The following PAX3 variants were observed in gnomAD, a reference collection of about 807,000 sequenced individuals.
PAX3 encodes paired box 3.
PAX3 carries 14 observed loss-of-function variants against 51.6 expected under a neutral mutation model. That is an observed-to-expected ratio of 0.27 (90% CI 0.18 to 0.42). PAX3 has a LOEUF of 0.42. Among genes scored for constraint, PAX3 ranks in the 10% least tolerant of loss-of-function variants. The probability of loss-of-function intolerance (pLI) is 1.00; values close to 1 mark genes in which losing one functional copy is unlikely to be tolerated. For synonymous variants in PAX3, 280 were observed against 253.4 expected, an observed-to-expected ratio of 1.11 and a Z score of -1.00; for missense variants, 540 against 642.8, an observed-to-expected ratio of 0.84 and a Z score of 1.73.
intron 4 of PAX3, among the ~76,000 whole-genome samples, chr2:222,271,635 G>A (rs562286692): frequency 6.6e-6 from 1 of 152,198 alleles, no homozygotes; most frequent in Non-Finnish European, 1.5e-5. Flanking sequence ...GCCAAGGGAA[G>A]TAAAGCATTT....
intron 4 of PAX3, among the ~76,000 whole-genome samples, chr2:222,253,231 A>C (rs1231930918): frequency 1.3e-5 from 2 of 152,250 alleles, no homozygotes; most frequent in African/African-American, 4.8e-5. Context: ...TCTGTGAAGG[A>C]GTACTAACAC....
At chr2:222,276,222 C>G (rs995977162) in intron 4 of PAX3, among the ~76,000 whole-genome samples, 1 of 152,188 alleles carries the variant, frequency 6.6e-6, no homozygotes, top group Non-Finnish European at 1.5e-5. Context: ...TACCCAGAGG[C>G]CTTTCCAGCC....
At chr2:222,240,182 G>T (rs1259176202) in intron 4 of PAX3, among the ~76,000 whole-genome samples, 1 of 152,196 alleles carries the variant, frequency 6.6e-6, no homozygotes, top group African/African-American at 2.4e-5. Context: ...GGCCACGGGG[G>T]CAGTACAGGA....
At chr2:222,262,107 T>A (rs1297350536) in intron 4 of PAX3, among the ~76,000 whole-genome samples, 1 of 152,252 alleles carries the variant, frequency 6.6e-6, no homozygotes, top group Non-Finnish European at 1.5e-5. Context: ...CGTAGACTCA[T>A]ATGTTTGGCT....
chr2:222,248,250 C>T lies in PAX3; in HGVS notation c.587-15967G>A, dbSNP rs866862032. ...AATCTGCTAAGAATTCACTTTATGG[C>T]ATTTAAAGTTTTCATTAGAGTGGAA... On this transcript the variant is annotated intron_variant, in intron 4 of 8. Transcript: ENST00000392070. Among the ~76,000 whole-genome samples, 34 of 152,306 alleles carry T rather than the reference C, an allele frequency of 2.2e-4. 1 individual carries two copies. In the Middle Eastern group the frequency reaches 0.017, roughly 76 times the overall value.
Position 222,295,632 on chromosome 2 carries a change from T to C in PAX3, c.347A>G (p.Lys116Arg), listed in dbSNP as rs1188288131. The C allele has an allele frequency of 6.8e-6, 11 of 1,614,100 alleles. No individual in the cohort carries two copies. Among genetic ancestry groups the C allele is most frequent in the Non-Finnish European group, 8.5e-6 (10 of 1,180,046 alleles). Residue 116 changes from lysine (K) to arginine (R), a missense_variant, in exon 3 of 9, where the codon AAG becomes AGG. Coordinates refer to ENST00000392070, the MANE Select transcript of PAX3 (RefSeq NM_181458.4). ...PKQVTTPDVE[K>R]KIEEYKRENP... ...CTCTCTTTTGTATTCCTCAATTTTCTTCTCCACGTCAGGCGTTGTCACCTG... is the reference window on the plus strand; with the variant it reads ...CTCTCTTTTGTATTCCTCAATTTTCCTCTCCACGTCAGGCGTTGTCACCTG...
At chr2:222,255,804 C>T in intron 4 of PAX3, among the ~76,000 whole-genome samples, 1 of 136,104 alleles carries the variant, frequency 7.3e-6, no homozygotes, top group Non-Finnish European at 1.5e-5. Flanking sequence ...TTTTTTGAGA[C>T]AGAGTCTCAC....
At position 222,201,201 on chromosome 2, in the gene PAX3, A is replaced by G. The variant is rs747786797; in HGVS notation, c.*207T>C. 9 of 1,614,014 alleles carry G rather than the reference A, an allele frequency of 5.6e-6. No homozygotes were observed. The highest frequency in any genetic ancestry group is 3.3e-5 in the Admixed American group (2 of 60,010). The stretch of plus-strand genomic sequence containing the variant: ...ATTGCTCCAGGTCTTCCTCTTCTCC[A>G]CTGCTTTTGTCGAACGTGTTCAAAA... On this transcript the variant is annotated 3_prime_UTR_variant, in exon 9 of 9. Transcript: ENST00000392070.
chr2:222,291,500 G>T lies in PAX3; in HGVS notation c.586+2667C>A, dbSNP rs532932855. ...GGAAAGTTAAGAGGACCATCTGGGA[G>T]AAAGCCACTGGAGAGAAGAATGAGG... On this transcript the variant is annotated intron_variant, in intron 4 of 8. Transcript: ENST00000392070. Among the ~76,000 whole-genome samples the T allele has an allele frequency of 7.2e-5, 11 of 152,340 alleles. No homozygotes were observed. The South Asian group carries it at 1.7e-3, about 23-fold the overall frequency.
At chr2:222,245,602 G>C (rs1171547574) in intron 4 of PAX3, among the ~76,000 whole-genome samples, 2 of 152,098 alleles carry the variant, frequency 1.3e-5, no homozygotes, top group Non-Finnish European at 2.9e-5. Context: ...GAATAAGGAA[G>C]TGATATGTGG....
At chr2:222,296,446 TA>T (rs1239867515) in intron 2 of PAX3, among the ~76,000 whole-genome samples, 1 of 152,180 alleles carries the variant, frequency 6.6e-6, no homozygotes, top group Admixed American at 6.5e-5. Context: ...CCAAACTGCT[TA>T]TTTTTTTTTA....
At chr2:222,229,102 A>C (rs934914362) in intron 5 of PAX3, among the ~76,000 whole-genome samples, 1 of 151,970 alleles carries the variant, frequency 6.6e-6, no homozygotes. Flanking sequence ...TAATAAAAGC[A>C]AAGTAGATTT....
intron 7 of PAX3, among the ~76,000 whole-genome samples, chr2:222,210,310 CT>C (rs1006466110): frequency 6.6e-6 from 1 of 152,116 alleles, no homozygotes; most frequent in Non-Finnish European, 1.5e-5. Flanking sequence ...TGTTCCAAAA[CT>C]TTTTGATGGT....
intron 4 of PAX3, among the ~76,000 whole-genome samples, chr2:222,268,350 G>GT (rs555269412): frequency 1.6e-3 from 251 of 152,212 alleles, no homozygotes; most frequent in African/African-American, 5.6e-3. Context: ...GGCTTCTGTT[G>GT]TTTTTTTGCT....
At chr2:222,209,103 C>T (rs752134368) in intron 7 of PAX3, among the ~76,000 whole-genome samples, 11 of 152,242 alleles carry the variant, frequency 7.2e-5, no homozygotes, top group Middle Eastern at 3.4e-3. Context: ...ACTATATTCC[C>T]ATTTCCCTAA....
chr2:222,250,147 T>A (rs1693372570), intron 4 of PAX3, among the ~76,000 whole-genome samples: 1 of 152,164 alleles, frequency 6.6e-6, no homozygotes, highest in Non-Finnish European at 1.5e-5. Flanking sequence ...ACCCTTCCCA[T>A]CACTCTGTTT....
chr2:222,291,860 G>T (rs1695051467), intron 4 of PAX3, among the ~76,000 whole-genome samples: 1 of 152,040 alleles, frequency 6.6e-6, no homozygotes. Flanking sequence ...CCTTTCTCTG[G>T]GCCCCTCTTG....
At chr2:222,252,251 T>C (rs753076623) in intron 4 of PAX3, among the ~76,000 whole-genome samples, 1 of 152,206 alleles carries the variant, frequency 6.6e-6, no homozygotes, top group African/African-American at 2.4e-5. Flanking sequence ...GCCAAAAATA[T>C]TCACTATATG....
chr2:222,290,043 T>A (rs1001983632), intron 4 of PAX3, among the ~76,000 whole-genome samples: 1 of 152,100 alleles, frequency 6.6e-6, no homozygotes, highest in Non-Finnish European at 1.5e-5. Context: ...GGAAAGTTCG[T>A]CCCCCGCCTT....
Sources: gnomAD v4.1 joint callset for allele counts (sites outside exome capture counted in the v4.1 genomes callset) on GRCh38, gnomAD v4.1.1 for gene constraint, MANE v1.5 for transcripts, NCBI Gene and HGNC (gene_info 2026-07-23, HGNC 2026-07-21) for gene names.